Variants in HERC2 observed in about 807,000 individuals in gnomAD.
HERC2 encodes the protein E3 ubiquitin-protein ligase HERC2.
HERC2 carries 102 observed loss-of-function variants against 537.7 expected under a neutral mutation model. That is an observed-to-expected ratio of 0.19 (90% CI 0.16 to 0.22). HERC2 has a LOEUF of 0.22. HERC2 is among the 10% of genes least tolerant of loss of function. HERC2 has a pLI of 1.00. For synonymous variants in HERC2, 2,224 were observed against 2,466.2 expected (o/e 0.90, Z 2.91); for missense variants, 4,236 against 6,198.2 (o/e 0.68, Z 10.63).
At position 28,227,672 on chromosome 15, in the gene HERC2, G is replaced by A. The variant is rs533982816; in HGVS notation, c.5464+546C>T. ...GTATAATCAAAAGAACTAGAAACAA[G>A]CATTCAAACAAGTATTTGTATATAA... On this transcript the variant is annotated intron_variant, in intron 35 of 92. Transcript: ENST00000261609. Among the ~76,000 whole-genome samples, 3 of 152,216 alleles carry A rather than the reference G, an allele frequency of 2.0e-5. No individual in the cohort carries two copies. In the South Asian group the frequency reaches 6.2e-4, roughly 32 times the overall value.
At chr15:28,155,663 A>C (rs1310077448) in intron 69 of HERC2, among the ~76,000 whole-genome samples, 2 of 151,156 alleles carry the variant, frequency 1.3e-5, no homozygotes, top group Non-Finnish European at 2.9e-5. Flanking sequence ...TGGATATTAG[A>C]CCTTTGTCAG....
intron 92 of HERC2, among the ~76,000 whole-genome samples, chr15:28,112,817 G>C (rs533954152): frequency 6.6e-6 from 1 of 152,314 alleles, no homozygotes; most frequent in Admixed American, 6.5e-5. Context: ...TTGAAATCTA[G>C]AGCAGGCTGA....
At chr15:28,217,482 C>T (rs1900059213) in intron 38 of HERC2, among the ~76,000 whole-genome samples, 1 of 152,188 alleles carries the variant, frequency 6.6e-6, no homozygotes, top group African/African-American at 2.4e-5. Context: ...TGCTCTCACA[C>T]ACACTGGAGG....
In HERC2 at chr15:28,300,953, ACT is replaced by A. The variant is rs1010453947; in HGVS notation, c.73-1439_73-1438del. ...ACTTTATTTTTGAATATATTTGCTTACTCTGTTTTTTAAAGGACTAGAATCAA... is the reference window on the plus strand; with the variant it reads ...ACTTTATTTTTGAATATATTTGCTTACTGTTTTTTAAAGGACTAGAATCAA... On this transcript the variant is annotated intron_variant, in intron 2 of 92. Coordinates refer to ENST00000261609, the MANE Select transcript of HERC2 (RefSeq NM_004667.6). Among the ~76,000 whole-genome samples, 3 of 150,802 alleles carry A rather than the reference ACT, an allele frequency of 2.0e-5. No homozygotes were observed. The East Asian group carries it at 5.8e-4, about 29-fold the overall frequency.
At chr15:28,195,121 G>A (rs557044212) in intron 52 of HERC2, among the ~76,000 whole-genome samples, 6 of 152,040 alleles carry the variant, frequency 3.9e-5, no homozygotes, top group Admixed American at 3.3e-4. Flanking sequence ...TGATCTTAAA[G>A]AGAACTAAGG....
chr15:28,209,433 T>C (rs923369523), intron 44 of HERC2, among the ~76,000 whole-genome samples: 17 of 152,018 alleles, frequency 1.1e-4, no homozygotes, highest in African/African-American at 4.1e-4. Context: ...AAGCTCTGCC[T>C]CCCGAGTTCA....
chr15:28,271,013 T>A, intron 9 of HERC2, 145 bp from the exon 10 acceptor site: 2 of 684,010 alleles, frequency 2.9e-6, no homozygotes, highest in South Asian at 3.8e-5. Flanking sequence ...ATACTATACA[T>A]CTATATATTT....
At chr15:28,322,027 GCCCGTACCGCC>G (rs1440696377) in intron 1 of HERC2, 37 bp downstream of exon 1, 3 of 89,562 alleles carry the variant, frequency 3.3e-5, no homozygotes, top group Non-Finnish European at 6.0e-5. Context: ...CCAGCCCCGC[GCCCGTACCGCC>G]CCCGCCACCG....
intron 30 of HERC2, among the ~76,000 whole-genome samples, chr15:28,232,778 A>C (rs1465992241): frequency 2.6e-5 from 4 of 152,230 alleles, no homozygotes; most frequent in Admixed American, 2.6e-4. Flanking sequence ...TCCAAACAAA[A>C]AACATTTCTT....
intron 70 of HERC2, among the ~76,000 whole-genome samples, chr15:28,149,016 G>A (rs1300733044): frequency 2.9e-5 from 4 of 136,732 alleles, no homozygotes; most frequent in East Asian, 2.1e-4. Flanking sequence ...GAACATCACC[G>A]AGAACGGCCG....
Position 28,141,786 on chromosome 15 carries a change from T to G in HERC2, c.11761A>C (p.Ser3921Arg). The G allele has an allele frequency of 1.2e-6, 2 of 1,614,206 alleles. No homozygotes were observed. The highest frequency in any genetic ancestry group is 1.7e-6 in the Non-Finnish European group (2 of 1,180,026). The change falls in exon 77 of 93, where the codon AGC becomes CGC. Residue 3921 changes from serine (S) to arginine (R), a missense_variant. Physicochemically the swap from Ser to Arg is moderately radical, Grantham distance 110 (BLOSUM62 -1). Around this residue, in one of 27 missense-constraint regions of HERC2, gnomAD observed 156 missense variants for 172.3 expected, o/e 0.91. Transcript: ENST00000261609. ...DSENMDVLHE[S>R]HDIFKREQDE... is the part of the protein sequence containing the mutation. ...TGCTCTCTTTTAAAAATGTCATGGC[T>G]CTCATGCAGAACATCCATGTTTTCG...
At chr15:28,182,893 C>T (rs1225661290) in intron 56 of HERC2, among the ~76,000 whole-genome samples, 1 of 152,208 alleles carries the variant, frequency 6.6e-6, no homozygotes, top group African/African-American at 2.4e-5. Context: ...CTGAGGAAAC[C>T]TGCCCAGGAG....
chr15:28,271,456 C>G (rs542027719), intron 9 of HERC2, among the ~76,000 whole-genome samples: 1 of 152,182 alleles, frequency 6.6e-6, no homozygotes, highest in Admixed American at 6.5e-5. Context: ...ATCACAAGGT[C>G]GAGAGATCGA....
Position 28,191,005 on chromosome 15 carries a change from G to C in HERC2, c.8609C>G (p.Pro2870Arg). Residue 2870 changes from proline to arginine, a missense_variant, in exon 55 of 93, where the codon CCT becomes CGT. Pro to Arg is a moderately radical substitution (Grantham distance 103). This residue lies in a region of HERC2 where 606 missense variants were observed against 884.5 expected (regional missense o/e 0.69). Coordinates refer to ENST00000261609, the MANE Select transcript of HERC2 (RefSeq NM_004667.6). ...CAGAAGGGGCACTGTGGTGTCAGAA[G>C]GGTTAATATTGATTGTCTTTAGTTC... ...LIELKTININ[P>R]SDTTVPLLND... The C allele has an allele frequency of 6.2e-7, 1 of 1,612,930 alleles. No homozygotes were observed. The highest frequency in any genetic ancestry group is 1.3e-5 in the African/African-American group (1 of 74,992).
At position 28,159,107 on chromosome 15, in the gene HERC2, CTG is replaced by C. The variant is rs577520504; in HGVS notation, c.10746+3985_10746+3986del. On this transcript the variant is annotated intron_variant, in intron 69 of 92. Coordinates refer to ENST00000261609, the MANE Select transcript of HERC2 (RefSeq NM_004667.6). The stretch of plus-strand genomic sequence containing the variant: ...TGTAGAGTTTCTGCCCAGAGATCCG[CTG>C]TTAGTCTGATGGGCTTCCCTTTGTG... Among the ~76,000 whole-genome samples the C allele has an allele frequency of 2.0e-4, 30 of 152,348 alleles. 1 individual carries two copies. The South Asian group carries it at 3.7e-3, about 19-fold the overall frequency.
intron 2 of HERC2, chr15:28,315,702 A>C: frequency 2.4e-6 from 2 of 822,838 alleles, no homozygotes; most frequent in South Asian, 2.8e-5. Flanking sequence ...CATGAGAGCC[A>C]AGTGGAGGAA....
rs543952012 is a variant in HERC2, at chr15:28,197,974, A to G, written c.8011+404T>C. ...CCCTATCCTGGTGATATGAATGACT[A>G]CTTCCTTACCAATCATGACGTTAGC... On this transcript the variant is annotated intron_variant, in intron 50 of 92. Coordinates refer to ENST00000261609, the MANE Select transcript of HERC2 (RefSeq NM_004667.6). Among the ~76,000 whole-genome samples, 444 of 152,168 alleles carry G rather than the reference A, an allele frequency of 2.9e-3. 4 individuals are homozygous for G. The highest frequency in any genetic ancestry group is 0.01 in the African/African-American group (415 of 41,436).
chr15:28,146,145 C>A (rs189685533), intron 71 of HERC2, 92 bp downstream of exon 71: 221 of 858,990 alleles, frequency 2.6e-4, no homozygotes, highest in Admixed American at 1.0e-3. Context: ...CATGAGAATA[C>A]GAAGGCAGCA....
chr15:28,196,325 T>C lies in HERC2; in HGVS notation c.8150A>G (p.Asn2717Ser), dbSNP rs537303792. 1.0e-4 allele frequency: 150 copies of C among 1,441,710 alleles called. No homozygotes were observed. In the East Asian group the frequency reaches 1.4e-3, roughly 14 times the overall value. The allele number at this position is 1,441,710 out of a possible 1,614,324, so 89.3% of individuals were successfully genotyped here. The change falls in exon 52 of 93, where the codon AAT becomes AGT. Residue 2717 changes from asparagine (N) to serine (S), a missense_variant. Physicochemically the swap from Asn to Ser is conservative, Grantham distance 46 (BLOSUM62 1). Coordinates refer to ENST00000261609, the MANE Select transcript of HERC2 (RefSeq NM_004667.6). ...GTTTCTGCATTTGAATCTGGATCCA[T>C]TGATAGGAAACATCTGACATCCATC... ...TCDGCQMFPI[N>S]GSRFKCRNCD...
Sources: gnomAD v4.1 joint callset for allele counts (sites outside exome capture counted in the v4.1 genomes callset) on GRCh38, gnomAD v4.1.1 for gene constraint, gnomAD v4.1.1 regional missense constraint, MANE v1.5 for transcripts, NCBI Gene and HGNC (gene_info 2026-07-23, HGNC 2026-07-21) for gene names.